ZNF81: variants seen among roughly 807,000 people sequenced by gnomAD.
ZNF81 encodes zinc finger protein 81 (HFZ20).
A neutral mutation model predicts 32.3 loss-of-function variants in ZNF81; 5 were observed. The observed-to-expected ratio is 0.15, with a 90% CI of 0.08 to 0.33. ZNF81 has a LOEUF of 0.33. Among genes scored for constraint, ZNF81 ranks in the 10% least tolerant of loss-of-function variants. The probability of loss-of-function intolerance (pLI) is 1.00; values close to 1 mark genes in which losing one functional copy is unlikely to be tolerated. For synonymous variants in ZNF81, 163 were observed against 166.8 expected (o/e 0.98, Z 0.17); for missense variants, 379 against 479.8 (o/e 0.79, Z 1.96).
chrX:47,889,666 G>A (rs1299809792), intron 3 of ZNF81, among the ~76,000 whole-genome samples: 1 of 112,305 alleles, frequency 8.9e-6, no homozygotes, highest in Non-Finnish European at 1.9e-5. Flanking sequence ...ATAAAGAAAA[G>A]AGGTTTAATT....
intron 4 of ZNF81, among the ~76,000 whole-genome samples, chrX:47,906,742 C>T (rs1001208489): frequency 1.3e-4 from 15 of 111,894 alleles, no homozygotes; most frequent in African/African-American, 4.5e-4. Flanking sequence ...TGCTTGAACC[C>T]AGGAGTGGAG....
chrX:47,866,355 T>C (rs1261994288), intron 2 of ZNF81, among the ~76,000 whole-genome samples: 1 of 111,656 alleles, frequency 9.0e-6, no homozygotes, highest in Non-Finnish European at 1.9e-5. Context: ...AGAAAAGAGT[T>C]TTATTATTGA....
chrX:47,925,514 TATTTC>T lies in ZNF81; in HGVS notation c.*8886_*8890del, dbSNP rs2058787866. On this transcript the variant is annotated 3_prime_UTR_variant, in exon 5 of 5. Coordinates refer to ENST00000338637, the MANE Select transcript of ZNF81 (RefSeq NM_007137.5). Reference sequence around the variant, plus strand: ...TTCATTCCTTTTTATTGCTAAGTGTTATTTCATTATATGGACATACCAGAATTTGT... The same window carrying T: ...TTCATTCCTTTTTATTGCTAAGTGTTATTATATGGACATACCAGAATTTGT... Among the ~76,000 whole-genome samples, 1 of 112,376 alleles carries T rather than the reference TATTTC, an allele frequency of 8.9e-6. No individual in the cohort carries two copies. Among genetic ancestry groups the T allele is most frequent in the African/African-American group, 3.2e-5 (1 of 30,983 alleles).
At chrX:47,890,374 C>T (rs782526179) in intron 3 of ZNF81, among the ~76,000 whole-genome samples, 25 of 112,239 alleles carry the variant, frequency 2.2e-4, no homozygotes, top group African/African-American at 7.1e-4. Context: ...GTTTCTTCTC[C>T]ACTAACTAGT....
intron 4 of ZNF81, among the ~76,000 whole-genome samples, chrX:47,902,387 T>C (rs1304483822): frequency 1.8e-5 from 2 of 112,200 alleles, no homozygotes; most frequent in Non-Finnish European, 3.8e-5. Flanking sequence ...TTTCTCTAAC[T>C]GTTGTAACAA....
intron 2 of ZNF81, among the ~76,000 whole-genome samples, chrX:47,880,204 C>G (rs1445495002): frequency 1.8e-5 from 2 of 111,915 alleles, no homozygotes; most frequent in African/African-American, 6.5e-5. Flanking sequence ...GTAGTTTCAG[C>G]AGCCATTGAT....
At chrX:47,840,073 ATC>A (rs2058440662) in intron 1 of ZNF81, among the ~76,000 whole-genome samples, 1 of 108,098 alleles carries the variant, frequency 9.3e-6, no homozygotes, top group Non-Finnish European at 1.9e-5. Flanking sequence ...CTGCAGTTAC[ATC>A]TCTGTGTTTC....
chrX:47,854,803 A>G (rs1370344318), intron 2 of ZNF81, among the ~76,000 whole-genome samples: 1 of 111,973 alleles, frequency 8.9e-6, no homozygotes, highest in African/African-American at 3.2e-5. Context: ...ACCATAACAG[A>G]TATAATAATA....
At chrX:47,871,653 T>C (rs782500725) in intron 2 of ZNF81, among the ~76,000 whole-genome samples, 2 of 111,669 alleles carry the variant, frequency 1.8e-5, no homozygotes, top group African/African-American at 6.5e-5. Context: ...AGCACAAGAT[T>C]AGGATTGGGT....
At chrX:47,859,754 G>A (rs1166190580) in intron 2 of ZNF81, among the ~76,000 whole-genome samples, 5 of 111,625 alleles carry the variant, frequency 4.5e-5, no homozygotes, top group Admixed American at 9.5e-5. Context: ...CATGGCAGTC[G>A]TGGTAGCTAG....
intron 1 of ZNF81, among the ~76,000 whole-genome samples, chrX:47,837,256 G>GT (rs2058428930): frequency 8.9e-6 from 1 of 111,755 alleles, no homozygotes; most frequent in Non-Finnish European, 1.9e-5. Flanking sequence ...TCTCTGTAAT[G>GT]GATCTCTAAC....
intron 2 of ZNF81, among the ~76,000 whole-genome samples, chrX:47,870,959 A>G (rs782534072): frequency 3.6e-5 from 4 of 112,096 alleles, no homozygotes; most frequent in East Asian, 5.6e-4. Flanking sequence ...GCTAATTCCC[A>G]TAGTACAGCC....
intron 2 of ZNF81, among the ~76,000 whole-genome samples, chrX:47,869,946 C>T (rs1556883721): frequency 1.8e-5 from 2 of 111,487 alleles, no homozygotes; most frequent in Non-Finnish European, 3.8e-5. Context: ...TTGCCTGCCT[C>T]GGCCTCCCAA....
intron 3 of ZNF81, among the ~76,000 whole-genome samples, chrX:47,891,578 C>T (rs2148031222): frequency 8.9e-6 from 1 of 112,336 alleles, no homozygotes; most frequent in Non-Finnish European, 1.9e-5. Context: ...TATGGGGATT[C>T]TGCCAGTTGC....
intron 2 of ZNF81, among the ~76,000 whole-genome samples, chrX:47,869,682 T>A (rs1453346544): frequency 1.8e-5 from 2 of 110,823 alleles, no homozygotes; most frequent in Non-Finnish European, 3.8e-5. Context: ...TTTTTTTATT[T>A]TGTTTTGTTT....
intron 2 of ZNF81, among the ~76,000 whole-genome samples, chrX:47,885,407 TG>T (rs2058637600): frequency 8.9e-6 from 1 of 112,364 alleles, no homozygotes; most frequent in Admixed American, 9.5e-5. Context: ...TCTCTCCTTC[TG>T]GGTCTTAAAT....
At chrX:47,879,415 C>CA (rs1362552026) in intron 2 of ZNF81, among the ~76,000 whole-genome samples, 27 of 111,246 alleles carry the variant, frequency 2.4e-4, no homozygotes, top group Non-Finnish European at 5.1e-4. Flanking sequence ...TGGATGCTGG[C>CA]AAAAAATACA....
chrX:47,877,142 T>G (rs1452102058), intron 2 of ZNF81, among the ~76,000 whole-genome samples: 5 of 112,304 alleles, frequency 4.5e-5, no homozygotes, highest in African/African-American at 1.6e-4. Flanking sequence ...CAAGGTCACT[T>G]TAGTTTACCT....
At chrX:47,909,594 T>C (rs1213318388) in intron 4 of ZNF81, among the ~76,000 whole-genome samples, 1 of 110,287 alleles carries the variant, frequency 9.1e-6, no homozygotes, top group African/African-American at 3.3e-5. Context: ...TATTGAGGCT[T>C]TTTTTTCTTT....
Sources: gnomAD v4.1 joint callset for allele counts (sites outside exome capture counted in the v4.1 genomes callset) on GRCh38, gnomAD v4.1.1 for gene constraint, MANE v1.5 for transcripts, NCBI Gene and HGNC (gene_info 2026-07-23, HGNC 2026-07-21) for gene names.